Variants in RAC3 observed in about 807,000 individuals in gnomAD.
RAC3 encodes ras-related C3 botulinum toxin substrate 3.
In RAC3, 9 loss-of-function variants were observed where a neutral mutation model predicts 19.0. That is an observed-to-expected ratio of 0.47 (90% confidence interval 0.29 to 0.83). The LOEUF is 0.83. Ranked by LOEUF, RAC3 falls within the 40% of genes least tolerant of loss-of-function variation. The pLI is 0.09. For synonymous variants in RAC3, 146 were observed against 111.8 expected, an observed-to-expected ratio of 1.31 and a Z score of -1.93; for missense variants, 203 against 260.8, an observed-to-expected ratio of 0.78 and a Z score of 1.53.
In RAC3 at chr17:82,033,610, G is replaced by T; in HGVS notation, c.448+11G>T. 12 of 1,606,158 alleles carry T rather than the reference G, an allele frequency of 7.5e-6. No individual in the cohort carries two copies. The highest frequency in any genetic ancestry group is 1.0e-5 in the Non-Finnish European group (12 of 1,175,250). On this transcript the variant is annotated intron_variant, in intron 5 of 5. Coordinates refer to ENST00000306897, the MANE Select transcript of RAC3 (RefSeq NM_005052.3). This position sits in a 1 kb window ranked among gnomAD's most constrained non-coding sequence, Gnocchi z 6.2. ...TGGCCCGGGAGATTGGTGGGTAGGC[G>T]CTGGCGGCCTGCAGGGGAGGGGTGG... is the stretch of plus-strand genomic sequence containing the variant.
At position 82,033,835 on chromosome 17, in the gene RAC3, T is replaced by TGGCCCACCCGAGCCTGAGTG; in HGVS notation, c.*24_*25insTGGGCCCACCCGAGCCTGAG. The TGGCCCACCCGAGCCTGAGTG allele has an allele frequency of 1.2e-5, 19 of 1,587,806 alleles. No individual in the cohort carries two copies. Among genetic ancestry groups the TGGCCCACCCGAGCCTGAGTG allele is most frequent in the Non-Finnish European group, 1.5e-5 (18 of 1,167,454 alleles). ...AGAAGTGCACCGTCTTCTAGAGCCC[T>TGGCCCACCCGAGCCTGAGTG]GGCCCACCCGAGCCTGAGGGCTGGC... is the stretch of plus-strand genomic sequence containing the variant. On this transcript the variant is annotated 3_prime_UTR_variant, in exon 6 of 6. Coordinates refer to ENST00000306897, the MANE Select transcript of RAC3 (RefSeq NM_005052.3). The surrounding 1 kb of genome is among the most constrained non-coding windows in gnomAD (Gnocchi z 6.2).
At position 82,033,715 on chromosome 17, in the gene RAC3, G is replaced by A. The variant is rs749000592; in HGVS notation, c.465G>A (p.Leu155=). ...MAREIGSVKY[L]ECSALTQRGL... ...TGCCGCTAGGCTCTGTGAAATACCTGGAGTGCTCAGCCCTGACCCAGCGGG... is the reference window on the plus strand; with the variant it reads ...TGCCGCTAGGCTCTGTGAAATACCTAGAGTGCTCAGCCCTGACCCAGCGGG... Residue 155 remains leucine (L), a synonymous_variant, in exon 6 of 6, where the codon CTG becomes CTA. Transcript: ENST00000306897. This position sits in a 1 kb window ranked among gnomAD's most constrained non-coding sequence, Gnocchi z 6.2. The A allele has an allele frequency of 1.9e-6, 3 of 1,612,904 alleles. No homozygotes were observed. Among genetic ancestry groups the A allele is most frequent in the East Asian group, 4.5e-5 (2 of 44,866 alleles).
At position 82,031,729 on chromosome 17, in the gene RAC3, G is replaced by C. The variant is rs182696087; in HGVS notation, c.-33G>C. The C allele has an allele frequency of 3.0e-6, 3 of 988,940 alleles. No individual in the cohort carries two copies. Among genetic ancestry groups the C allele is most frequent in the South Asian group, 9.0e-5 (2 of 22,294 alleles). The allele number at this position is 988,940 out of a possible 1,614,324, so 61.3% of individuals were successfully genotyped here. A position where few individuals can be genotyped will look rare whatever the true frequency, so the allele number is the denominator to read the frequency against. On this transcript the variant is annotated 5_prime_UTR_variant, in exon 1 of 6. Transcript: ENST00000306897. ...CGGGCATTTCTCCGCAGCTCGGCTCGCGGCCGCGCCCGCCGCCGCCCGGCC... is the reference window on the plus strand; with the variant it reads ...CGGGCATTTCTCCGCAGCTCGGCTCCCGGCCGCGCCCGCCGCCGCCCGGCC...
At chr17:82,032,223 A>C (rs1256121341) in intron 1 of RAC3, 164 bp from the exon 2 acceptor site, 11 of 641,556 alleles carry the variant, frequency 1.7e-5, no homozygotes, top group Non-Finnish European at 2.9e-5. Flanking sequence ...CGGCCTGCCC[A>C]GGTCGTCCTC....
rs1219501331 is a variant in RAC3, at chr17:82,032,414, C to T, written c.63C>T (p.Ile21=). 3 of 1,612,964 alleles carry T rather than the reference C, an allele frequency of 1.9e-6. No individual in the cohort carries two copies. Among genetic ancestry groups the T allele is most frequent in the South Asian group, 1.1e-5 (1 of 91,084 alleles). ...DGAVGKTCLL[I]SYTTNAFPGE... ...CCGTGGGGAAGACATGCTTGCTGAT[C>T]AGCTACACGACCAACGCCTTCCCCG... is the stretch of plus-strand genomic sequence containing the variant. Residue 21 remains isoleucine, a synonymous_variant, in exon 2 of 6, where the codon ATC becomes ATT. Transcript: ENST00000306897.
At chr17:82,032,223 A>T in intron 1 of RAC3, 164 bp from the exon 2 acceptor site, 1 of 641,674 alleles carries the variant, frequency 1.6e-6, no homozygotes, top group Non-Finnish European at 2.7e-6. Context: ...CGGCCTGCCC[A>T]GGTCGTCCTC....
Position 82,033,102 on chromosome 17 carries a change from C to T in RAC3, c.288+93C>T, listed in dbSNP as rs1271082852. The T allele has an allele frequency of 2.9e-6, 4 of 1,362,026 alleles. No individual in the cohort carries two copies. The African/African-American group carries it at 4.3e-5, about 15-fold the overall frequency. 84.4% of individuals were successfully genotyped at this position (1,362,026 alleles called of 1,614,324 possible). On this transcript the variant is annotated intron_variant, in intron 4 of 5. Transcript: ENST00000306897. This position sits in a 1 kb window ranked among gnomAD's most constrained non-coding sequence, Gnocchi z 6.2. ...TTTAGAGGCAATTGCGATACGGGTT[C>T]TGCCTGGGGTAGGCACACGGAGTGG... is the stretch of plus-strand genomic sequence containing the variant.
Position 82,033,437 on chromosome 17 carries a change from C to A in RAC3, c.289-3C>A. The A allele has an allele frequency of 5.6e-6, 9 of 1,598,100 alleles. No individual in the cohort carries two copies. The highest frequency in any genetic ancestry group is 7.7e-6 in the Non-Finnish European group (9 of 1,172,586). On this transcript the variant is annotated splice_polypyrimidine_tract_variant and splice_region_variant and intron_variant, in intron 4 of 5. Coordinates refer to ENST00000306897, the MANE Select transcript of RAC3 (RefSeq NM_005052.3). The surrounding 1 kb of genome is among the most constrained non-coding windows in gnomAD (Gnocchi z 6.2). ...CTAGGGATCAGAGCGTCTGTCCCTG[C>A]AGTGGTACCCGGAGGTGCGGCACCA...
In RAC3 at chr17:82,033,416, G is replaced by A. The variant is rs752720810; in HGVS notation, c.289-24G>A. On this transcript the variant is annotated intron_variant, in intron 4 of 5. Coordinates refer to ENST00000306897, the MANE Select transcript of RAC3 (RefSeq NM_005052.3). The surrounding 1 kb of genome is among the most constrained non-coding windows in gnomAD (Gnocchi z 6.2). The stretch of plus-strand genomic sequence containing the variant: ...CTGGGGTAGCCGACTCCGGGCCTAG[G>A]GATCAGAGCGTCTGTCCCTGCAGTG... 1 of 1,563,196 alleles carries A rather than the reference G, an allele frequency of 6.4e-7. No homozygotes were observed. The highest frequency in any genetic ancestry group is 2.0e-4 in the Middle Eastern group (1 of 4,934).
chr17:82,033,972 T>TCAGAGA lies in RAC3; in HGVS notation c.*143_*144insCAGAGA. 1 of 1,152,048 alleles carries TCAGAGA rather than the reference T, an allele frequency of 8.7e-7. No individual in the cohort carries two copies. The highest frequency in any genetic ancestry group is 2.6e-5 in the East Asian group (1 of 37,834). 71.4% of individuals were successfully genotyped at this position (1,152,048 alleles called of 1,614,324 possible). A position where few individuals can be genotyped will look rare whatever the true frequency, so the allele number is the denominator to read the frequency against. ...GGGGAAGCATGGGGATGAGGCTGGG[T>TCAGAGA]GGCAGGATCCTGTCCTCTCTGCCGC... On this transcript the variant is annotated 3_prime_UTR_variant, in exon 6 of 6. Transcript: ENST00000306897. This position sits in a 1 kb window ranked among gnomAD's most constrained non-coding sequence, Gnocchi z 6.2.
At position 82,033,688 on chromosome 17, in the gene RAC3, A is replaced by G. The variant is rs778017232; in HGVS notation, c.449-11A>G. ...CCCACCCTCACTGTCTCCCCTCCTC[A>G]CTGCCGCTAGGCTCTGTGAAATACC... On this transcript the variant is annotated splice_polypyrimidine_tract_variant and intron_variant, in intron 5 of 5. Coordinates refer to ENST00000306897, the MANE Select transcript of RAC3 (RefSeq NM_005052.3). The surrounding 1 kb of genome is among the most constrained non-coding windows in gnomAD (Gnocchi z 6.2). The G allele has an allele frequency of 3.0e-5, 48 of 1,610,276 alleles. No individual in the cohort carries two copies. Among genetic ancestry groups the G allele is most frequent in the Non-Finnish European group, 3.9e-5 (46 of 1,178,002 alleles).
At position 82,032,966 on chromosome 17, in the gene RAC3, T is replaced by G. The variant is rs774357182; in HGVS notation, c.245T>G (p.Phe82Cys). The G allele has an allele frequency of 1.9e-6, 3 of 1,613,662 alleles. No homozygotes were observed. The highest frequency in any genetic ancestry group is 1.1e-5 in the South Asian group (1 of 91,080). Residue 82 changes from phenylalanine to cysteine, a missense_variant, in exon 4 of 6, where the codon TTC (phenylalanine) becomes TGC (cysteine). By Grantham distance (205) the Phe-to-Cys change is radical (BLOSUM62 -2). Transcript: ENST00000306897. Reference sequence around the variant, plus strand: ...CCCAAGGACGTCTTTCTGATCTGCTTCTCTCTGGTGAGCCCGGCCTCCTTC... The same window carrying G: ...CCCAAGGACGTCTTTCTGATCTGCTGCTCTCTGGTGAGCCCGGCCTCCTTC... Reference protein sequence around the residue: ...YPQTDVFLICFSLVSPASFEN... With the variant: ...YPQTDVFLICCSLVSPASFEN...
At chr17:82,031,841 G>T (rs868368146) in intron 1 of RAC3, 45 bp downstream of exon 1, 10 of 889,276 alleles carry the variant, frequency 1.1e-5, no homozygotes, top group South Asian at 5.0e-5. Flanking sequence ...TGGGCGGGAG[G>T]GGGGCTCGGG....
chr17:82,032,587 G>C, intron 2 of RAC3, 124 bp from the exon 3 acceptor site: 1 of 1,433,862 alleles, frequency 7.0e-7, no homozygotes, highest in Non-Finnish European at 9.8e-7. Context: ...TTCCCGGCTG[G>C]AGCTGAGGTG....
Position 82,032,287 on chromosome 17 carries a change from C to G in RAC3, c.36-100C>G, listed in dbSNP as rs1004821935. On this transcript the variant is annotated intron_variant, in intron 1 of 5. Coordinates refer to ENST00000306897, the MANE Select transcript of RAC3 (RefSeq NM_005052.3). Reference sequence around the variant, plus strand: ...GCTGGGTCCCCCTCTCGACCCCAGACGCCCCTAACTCGCCTCTGGCTCCGG... The same window carrying G: ...GCTGGGTCCCCCTCTCGACCCCAGAGGCCCCTAACTCGCCTCTGGCTCCGG... 22 of 1,145,312 alleles carry G rather than the reference C, an allele frequency of 1.9e-5. No homozygotes were observed. The Admixed American group carries it at 4.2e-4, about 22-fold the overall frequency. 70.9% of individuals were successfully genotyped at this position (1,145,312 alleles called of 1,614,324 possible). A position where few individuals can be genotyped will look rare whatever the true frequency, so the allele number is the denominator to read the frequency against.
In RAC3 at chr17:82,033,826, C is replaced by T. The variant is rs12936033; in HGVS notation, c.576C>T (p.Phe192=). 1.5e-5 allele frequency: 24 copies of T among 1,597,018 alleles called. No homozygotes were observed. In the East Asian group the frequency reaches 4.3e-4, roughly 29 times the overall value. The change falls in exon 6 of 6, where the codon TTC becomes TTT. Residue 192 remains phenylalanine (F), a synonymous_variant. Transcript: ENST00000306897. This position sits in a 1 kb window ranked among gnomAD's most constrained non-coding sequence, Gnocchi z 6.2. ...VKKPGKKCTV[F] ...AGCCGGGGAAGAAGTGCACCGTCTT[C>T]TAGAGCCCTGGCCCACCCGAGCCTG... is the stretch of plus-strand genomic sequence containing the variant.
At chr17:82,032,333 G>A (rs1299992267) in intron 1 of RAC3, 54 bp from the exon 2 acceptor site, 3 of 1,578,006 alleles carry the variant, frequency 1.9e-6, no homozygotes, top group Non-Finnish European at 1.7e-6. Flanking sequence ...TGCCCTTGCT[G>A]GGCAGAGGGT....
In RAC3 at chr17:82,033,621, G is replaced by A; in HGVS notation, c.448+22G>A. 9 of 1,603,780 alleles carry A rather than the reference G, an allele frequency of 5.6e-6. No individual in the cohort carries two copies. Among genetic ancestry groups the A allele is most frequent in the Non-Finnish European group, 7.7e-6 (9 of 1,173,442 alleles). On this transcript the variant is annotated intron_variant, in intron 5 of 5. Coordinates refer to ENST00000306897, the MANE Select transcript of RAC3 (RefSeq NM_005052.3). The surrounding 1 kb of genome is among the most constrained non-coding windows in gnomAD (Gnocchi z 6.2). ...ATTGGTGGGTAGGCGCTGGCGGCCT[G>A]CAGGGGAGGGGTGGGGAGGCGCAGT...
chr17:82,033,513 A>G lies in RAC3; in HGVS notation c.362A>G (p.Asp121Gly). ...LLVGTKLDLR[D>G]DKDTIERLRD... ...GTGGGCACCAAGCTGGACCTCCGCG[A>G]CGACAAGGACACCATTGAGCGGCTG... Residue 121 changes from aspartate (D) to glycine (G), a missense_variant, in exon 5 of 6, where the codon GAC (aspartate) becomes GGC (glycine). Physicochemically the swap from Asp to Gly is moderately conservative, Grantham distance 94. This residue lies in a region of RAC3 where 142 missense variants were observed against 158.2 expected (regional missense o/e 0.90). Transcript: ENST00000306897. This position sits in a 1 kb window ranked among gnomAD's most constrained non-coding sequence, Gnocchi z 6.2. 1 of 1,612,850 alleles carries G rather than the reference A, an allele frequency of 6.2e-7. No homozygotes were observed. Among genetic ancestry groups the G allele is most frequent in the Non-Finnish European group, 8.5e-7 (1 of 1,179,794 alleles).
Sources: gnomAD v4.1 joint callset for allele counts on GRCh38, gnomAD v4.1.1 for gene constraint, gnomAD v4.1.1 regional missense constraint, Gnocchi (gnomAD v3.1) non-coding constraint, MANE v1.5 for transcripts, NCBI Gene and HGNC (gene_info 2026-07-23, HGNC 2026-07-21) for gene names.